Variants in PTK2 observed in about 807,000 individuals in gnomAD.
PTK2 encodes the protein protein tyrosine kinase 2.
A neutral mutation model predicts 150.1 loss-of-function variants in PTK2; 45 were observed. The ratio of observed to expected loss-of-function variants is 0.30; its 90% CI spans 0.24 to 0.38. The LOEUF (loss-of-function observed/expected upper bound fraction) is 0.38. Among genes scored for constraint, PTK2 ranks in the 10% least tolerant of loss-of-function variants. PTK2 has a pLI of 1.00. For synonymous variants in PTK2, 432 were observed against 449.2 expected, an observed-to-expected ratio of 0.96 and a Z score of 0.48; for missense variants, 919 against 1,307.3, an observed-to-expected ratio of 0.70 and a Z score of 4.58.
At position 140,699,393 on chromosome 8, in the gene PTK2, G is replaced by A. The variant is rs749923552; in HGVS notation, c.2499+1498C>T. Among the ~76,000 whole-genome samples, 144 of 152,122 alleles carry A rather than the reference G, an allele frequency of 9.5e-4. 3 individuals carry two copies. The highest frequency in any genetic ancestry group is 1.9e-4 in the Non-Finnish European group (13 of 68,020). On this transcript the variant is annotated intron_variant, in intron 26 of 31. Coordinates refer to ENST00000522684, the Ensembl canonical transcript of PTK2. ...GAGGCTGAGGGCATAGAACTGCTTG[G>A]CAACAGGGACCAGGAGTCTAAAAGG...
chr8:140,937,758 A>G (rs988635895), intron 1 of PTK2, among the ~76,000 whole-genome samples: 7 of 152,184 alleles, frequency 4.6e-5, no homozygotes. Flanking sequence ...AGTACAACAC[A>G]TATTTACTAC....
intron 1 of PTK2, among the ~76,000 whole-genome samples, chr8:140,994,757 T>C (rs1284423872): frequency 6.6e-6 from 1 of 152,164 alleles, no homozygotes; most frequent in Non-Finnish European, 1.5e-5. Flanking sequence ...ACTGGGCCCC[T>C]GTCTCTTCTG....
At chr8:140,964,386 T>TTTTTTTTCTGGAG (rs1191098398) in intron 1 of PTK2, among the ~76,000 whole-genome samples, 1 of 151,804 alleles carries the variant, frequency 6.6e-6, no homozygotes, top group Non-Finnish European at 1.5e-5. Context: ...TAATTTCTTT[T>TTTTTTTTCTGGAG]TTTTTTTCTG....
chr8:140,753,922 G>A (rs1299194615), intron 16 of PTK2, among the ~76,000 whole-genome samples: 1 of 152,288 alleles, frequency 6.6e-6, no homozygotes, highest in Admixed American at 6.5e-5. Flanking sequence ...AAATGAAGAT[G>A]TTCATTAATA....
At chr8:140,781,960 G>A (rs972182412) in intron 14 of PTK2, among the ~76,000 whole-genome samples, 21 of 152,070 alleles carry the variant, frequency 1.4e-4, no homozygotes, top group African/African-American at 4.6e-4. Context: ...AGCACAGCTG[G>A]GCTATTTTGA....
chr8:140,958,792 A>C (rs2100182094), intron 1 of PTK2, among the ~76,000 whole-genome samples: 1 of 152,244 alleles, frequency 6.6e-6, no homozygotes, highest in African/African-American at 2.4e-5. Context: ...TTTTTCCTAA[A>C]TTTAGCTTCT....
intron 1 of PTK2, 29 bp downstream of exon 1, chr8:141,001,078 CCGCCCAGCCCCCGACCCG>C (rs1267395292): frequency 6.6e-6 from 1 of 151,442 alleles, no homozygotes; most frequent in East Asian, 2.0e-4. Flanking sequence ...CAGAAGGAGC[CCGCCCAGCCCCCGACCCG>C]CGCCCCGCGC....
chr8:140,663,993 AT>A (rs538047839), intron 31 of PTK2, among the ~76,000 whole-genome samples: 10 of 149,924 alleles, frequency 6.7e-5, no homozygotes, highest in Admixed American at 2.0e-4. Flanking sequence ...ATTTAAAATG[AT>A]TTTTTTTTTC....
intron 1 of PTK2, among the ~76,000 whole-genome samples, chr8:140,942,633 T>C (rs1398306036): frequency 1.3e-5 from 2 of 152,124 alleles, no homozygotes; most frequent in Non-Finnish European, 2.9e-5. Flanking sequence ...CGTGCGTGTG[T>C]GTGTGTGTGT....
chr8:140,981,693 C>T (rs2100191491), intron 1 of PTK2, among the ~76,000 whole-genome samples: 1 of 152,204 alleles, frequency 6.6e-6, no homozygotes, highest in African/African-American at 2.4e-5. Context: ...TAAAGTTTTA[C>T]TAGACACAGC....
intron 4 of PTK2, among the ~76,000 whole-genome samples, chr8:140,873,463 AT>A (rs561606248): frequency 2.8e-4 from 33 of 118,910 alleles, no homozygotes; most frequent in East Asian, 6.9e-4. Flanking sequence ...AGTGTCTGCA[AT>A]TTTTTTTTTT....
At chr8:140,729,206 A>G (rs118107535) in intron 22 of PTK2, among the ~76,000 whole-genome samples, 3,175 of 152,348 alleles carry the variant, frequency 0.021, 44 homozygotes, top group Non-Finnish European at 0.03. Flanking sequence ...GTTAAGACAA[A>G]TAACTAAAAA....
chr8:140,679,016 T>G (rs1259776733), intron 27 of PTK2, among the ~76,000 whole-genome samples: 2 of 32,402 alleles, frequency 6.2e-5, no homozygotes, highest in African/African-American at 9.4e-5. Context: ...TTTTTTTTTT[T>G]TTTTTTTTTT....
chr8:140,851,421 A>AGGTAAT (rs1255740715), intron 5 of PTK2, among the ~76,000 whole-genome samples: 1 of 152,234 alleles, frequency 6.6e-6, no homozygotes, highest in Non-Finnish European at 1.5e-5. Context: ...ACTTACACAA[A>AGGTAAT]GGTAATGGTA....
At position 140,686,631 on chromosome 8, in the gene PTK2, C is replaced by T. The variant is rs2100020037; in HGVS notation, c.2562+1G>A. On this transcript the variant is annotated splice_donor_variant, in intron 27 of 31. Coordinates refer to ENST00000522684, the Ensembl canonical transcript of PTK2. LOFTEE classifies it high-confidence loss of function. Reference sequence around the variant, plus strand: ...AAATCCTGCTGAAAACTCAGGCTTACCGGACCCTGAAGACTTCCATCCTCC... The same window carrying T: ...AAATCCTGCTGAAAACTCAGGCTTATCGGACCCTGAAGACTTCCATCCTCC... The T allele has an allele frequency of 1.2e-6, 2 of 1,612,598 alleles. No homozygotes were observed. The highest frequency in any genetic ancestry group is 1.7e-6 in the Non-Finnish European group (2 of 1,178,662).
chr8:140,992,083 G>C (rs546441693), intron 1 of PTK2, among the ~76,000 whole-genome samples: 1 of 152,240 alleles, frequency 6.6e-6, no homozygotes, highest in East Asian at 1.9e-4. Flanking sequence ...CCTGAGGTCA[G>C]GAGTTTGAGA....
intron 14 of PTK2, among the ~76,000 whole-genome samples, chr8:140,766,811 G>A (rs1226047194): frequency 1.3e-5 from 2 of 152,220 alleles, no homozygotes; most frequent in Non-Finnish European, 2.9e-5. Flanking sequence ...AACTGCTTGA[G>A]CTTTGGAAAG....
chr8:140,859,589 T>C (rs1364900404), intron 5 of PTK2, among the ~76,000 whole-genome samples: 1 of 152,166 alleles, frequency 6.6e-6, no homozygotes, highest in Non-Finnish European at 1.5e-5. Context: ...AGAATGCGTA[T>C]CATCAAATTC....
At chr8:140,970,582 A>T (rs1389146351) in intron 1 of PTK2, among the ~76,000 whole-genome samples, 2 of 152,246 alleles carry the variant, frequency 1.3e-5, no homozygotes, top group African/African-American at 4.8e-5. Context: ...ATCTGCCAAG[A>T]AACTGTCCAC....
Sources: allele counts gnomAD v4.1 joint callset (sites outside exome capture counted in the v4.1 genomes callset), GRCh38; gene constraint gnomAD v4.1.1; transcripts MANE v1.5; gene names NCBI Gene and HGNC (gene_info 2026-07-23, HGNC 2026-07-21).